Variants in GZF1 observed in about 807,000 individuals in gnomAD.
The protein encoded by GZF1 is GDNF inducible zinc finger protein 1.
Under a neutral mutation model 49.4 loss-of-function variants are expected in GZF1, and 28 were observed. The ratio of observed to expected loss-of-function variants is 0.57; its 90% CI spans 0.42 to 0.78. GZF1 has a LOEUF of 0.78. Ranked by LOEUF, GZF1 falls within the 30% of genes least tolerant of loss-of-function variation. The pLI is 0.00. For missense variants in GZF1, 798 were observed against 916.2 expected (o/e 0.87, Z 1.67); for synonymous variants, 364 against 356.0 (o/e 1.02, Z -0.25).
rs1981192052 is a variant in GZF1, at chr20:23,365,316, GA to G, written c.935del (p.Lys312ArgfsTer22). 11 of 1,606,626 alleles carry G rather than the reference GA, an allele frequency of 6.8e-6. No homozygotes were observed. The South Asian group carries it at 8.8e-5, about 13-fold the overall frequency. On this transcript the variant is annotated frameshift_variant, in exon 2 of 6. Coordinates refer to ENST00000338121, the MANE Select transcript of GZF1 (RefSeq NM_022482.5). LOFTEE classifies it high-confidence loss of function. The part of the protein sequence containing the change: ...EEEEEDEEGE[K>X]KKSNFKCSIC... ...AGGAGGAGGAGGACGAAGAAGGGGA[GA>G]AGAAGAAGAGCAACTTTAAGTGCAG...
Position 23,365,277 on chromosome 20 carries a change from GGAGGAA to G in GZF1, c.900_905del (p.Glu305_Glu306del). ...AATTGTCAAAGAAAGCAGGGCCGGA[GGAGGAA>G]GAGGAGGAGGAGGAGGAGGACGAAG... On this transcript the variant is annotated inframe_deletion, in exon 2 of 6. Coordinates refer to ENST00000338121, the MANE Select transcript of GZF1 (RefSeq NM_022482.5). The G allele has an allele frequency of 6.2e-7, 1 of 1,606,742 alleles. No individual in the cohort carries two copies. Among genetic ancestry groups the G allele is most frequent in the South Asian group, 1.1e-5 (1 of 90,418 alleles).
At chr20:23,362,929 C>T (rs1980862908) in intron 1 of GZF1, 1 of 152,318 alleles carries the variant, frequency 6.6e-6, no homozygotes, top group South Asian at 2.1e-4. Flanking sequence ...AGTCTTGTTT[C>T]CCCAGGCTGG....
rs1394373816 is a variant in GZF1 at position 23,368,939 on chromosome 20, G to C, written c.1627+10G>C. 6.3e-7 allele frequency: 1 copy of C among 1,598,596 alleles called. No homozygotes were observed. The highest frequency in any genetic ancestry group is 1.4e-5 in the African/African-American group (1 of 74,056). ...ATTAAAGTCCACACAGGTATGGTTG[G>C]AATGTCCCAGGGAAGGGAGTTTAGT... is the stretch of plus-strand genomic sequence containing the variant. On this transcript the variant is annotated intron_variant, in intron 4 of 5. Coordinates refer to ENST00000338121, the MANE Select transcript of GZF1 (RefSeq NM_022482.5).
intron 1 of GZF1, 177 bp downstream of exon 1, chr20:23,362,414 C>A (rs1252028784): frequency 6.6e-6 from 1 of 152,352 alleles, no homozygotes; most frequent in Non-Finnish European, 1.5e-5. Context: ...GGAGGCGGCG[C>A]GTCGGGCCGA....
rs752482204 is a variant in GZF1 at position 23,370,334 on chromosome 20, G to A, written c.2029G>A (p.Val677Met). The change falls in exon 6 of 6, where the codon GTG becomes ATG. Residue 677 changes from valine to methionine, a missense_variant. By Grantham distance (21) the Val-to-Met change is conservative (BLOSUM62 1). This residue lies in a region of GZF1 where 446 missense variants were observed against 540.1 expected (regional missense o/e 0.83). Coordinates refer to ENST00000338121, the MANE Select transcript of GZF1 (RefSeq NM_022482.5). Reference protein sequence around the residue: ...DTACKADDSVVSQDTLLATTI... With the variant: ...DTACKADDSVMSQDTLLATTI... ...AGCCTGCAAGGCAGATGACTCCGTGGTGTCCCAGGACACCCTCCTGGCCAC... is the reference window on the plus strand; with the variant it reads ...AGCCTGCAAGGCAGATGACTCCGTGATGTCCCAGGACACCCTCCTGGCCAC... 3.7e-6 allele frequency: 6 copies of A among 1,614,086 alleles called. No individual in the cohort carries two copies. Among genetic ancestry groups the A allele is most frequent in the Non-Finnish European group, 4.2e-6 (5 of 1,179,962 alleles).
At chr20:23,368,965 T>G (rs772054753) in intron 4 of GZF1, 36 bp downstream of exon 4, 2 of 1,531,740 alleles carry the variant, frequency 1.3e-6, no homozygotes, top group Non-Finnish European at 1.8e-6. Flanking sequence ...GGAGTTTAGT[T>G]TGGCCAAAAA....
Position 23,364,947 on chromosome 20 carries a change from C to T in GZF1, c.564C>T (p.Ala188=), listed in dbSNP as rs1981131741. 2 of 1,614,204 alleles carry T rather than the reference C, an allele frequency of 1.2e-6. No individual in the cohort carries two copies. The highest frequency in any genetic ancestry group is 4.5e-5 in the East Asian group (2 of 44,868). The part of the protein sequence containing the change: ...TDSLDYPGER[A]SNGMSSDLPP... ...CCTTGGACTACCCAGGAGAGAGAGCCAGCAATGGCATGTCTTCAGATTTGC... is the reference window on the plus strand; with the variant it reads ...CCTTGGACTACCCAGGAGAGAGAGCTAGCAATGGCATGTCTTCAGATTTGC... Residue 188 remains alanine, a synonymous_variant, in exon 2 of 6, where the codon GCC becomes GCT. Transcript: ENST00000338121.
At chr20:23,370,066 C>T (rs761254663) in intron 5 of GZF1, 25 bp from the exon 6 acceptor site, 1 of 1,570,244 alleles carries the variant, frequency 6.4e-7, no homozygotes, top group East Asian at 2.2e-5. Flanking sequence ...CATTCAGTGA[C>T]CTTTGTTTTG....
At chr20:23,369,050 G>C in intron 4 of GZF1, 121 bp downstream of exon 4, 2 of 781,720 alleles carry the variant, frequency 2.6e-6, no homozygotes, top group South Asian at 4.1e-5. Context: ...GCCAAACTTT[G>C]TATGTCATAA....
At chr20:23,361,823 G>A (rs912350154), upstream of GZF1, among the ~76,000 whole-genome samples, 2 of 152,220 alleles carry the variant, frequency 1.3e-5, no homozygotes, top group Admixed American at 6.5e-5. Flanking sequence ...GGCGCCTTGC[G>A]GCCAGAAGCC....
chr20:23,368,281 A>T (rs924853129), intron 3 of GZF1, among the ~76,000 whole-genome samples: 12 of 152,218 alleles, frequency 7.9e-5, no homozygotes, highest in African/African-American at 2.2e-4. Context: ...TGTGGGATTA[A>T]ACTACAAAAA....
chr20:23,370,596 A>G lies in GZF1; in HGVS notation c.*155A>G, dbSNP rs757145854. On this transcript the variant is annotated 3_prime_UTR_variant, in exon 6 of 6. Transcript: ENST00000338121. Reference sequence around the variant, plus strand: ...AACTTCTGCTAACTTGCACGGCTTTATCACAGCATTTTTAAAGCTTTCCCT... The same window carrying G: ...AACTTCTGCTAACTTGCACGGCTTTGTCACAGCATTTTTAAAGCTTTCCCT... 88 of 615,144 alleles carry G rather than the reference A, an allele frequency of 1.4e-4. No homozygotes were observed. The highest frequency in any genetic ancestry group is 8.0e-5 in the Non-Finnish European group (28 of 349,354). 38.1% of individuals were successfully genotyped at this position (615,144 alleles called of 1,614,324 possible).
chr20:23,367,060 G>C lies in GZF1; in HGVS notation c.1422G>C (p.Gln474His). ...VCDECGARFT[Q>H]NHMLIYHKRC... ...ATGAATGTGGTGCAAGATTCACTCA[G>C]AACCACATGCTGATTTATCATAAAA... is the stretch of plus-strand genomic sequence containing the variant. Residue 474 changes from glutamine (Q) to histidine (H), a missense_variant, in exon 3 of 6, where the codon CAG becomes CAC. Coordinates refer to ENST00000338121, the MANE Select transcript of GZF1 (RefSeq NM_022482.5). The C allele has an allele frequency of 6.2e-7, 1 of 1,613,094 alleles. No homozygotes were observed. The highest frequency in any genetic ancestry group is 8.5e-7 in the Non-Finnish European group (1 of 1,179,570).
At chr20:23,361,521 G>T (rs1323916695), upstream of GZF1, among the ~76,000 whole-genome samples, 1 of 152,222 alleles carries the variant, frequency 6.6e-6, no homozygotes, top group African/African-American at 2.4e-5. Flanking sequence ...GCAGGGTGCG[G>T]TCCCGGCTCC....
intron 3 of GZF1, among the ~76,000 whole-genome samples, chr20:23,367,993 C>T (rs1054583271): frequency 1.3e-5 from 2 of 152,226 alleles, no homozygotes; most frequent in Admixed American, 6.5e-5. Context: ...TGTGATTAGA[C>T]ACCAGTTCTG....
rs1430088662 is a variant in GZF1 at position 23,369,560 on chromosome 20, C to T, written c.1628-24C>T. 7 of 1,588,642 alleles carry T rather than the reference C, an allele frequency of 4.4e-6. No individual in the cohort carries two copies. In the Admixed American group the frequency reaches 8.8e-5, roughly 20 times the overall value. ...ACAGTAGGCCAAAGGGACCCACCAG[C>T]AGTCTCCTCTCTCCCTGCCTCAGGG... On this transcript the variant is annotated intron_variant, in intron 4 of 5. Transcript: ENST00000338121.
chr20:23,365,554 G>A lies in GZF1; in HGVS notation c.1171G>A (p.Asp391Asn). Residue 391 changes from aspartate (D) to asparagine (N), a missense_variant, in exon 2 of 6, where the codon GAC (aspartate) becomes AAC (asparagine). Around this residue, in one of 3 missense-constraint regions of GZF1, gnomAD observed 446 missense variants for 540.1 expected, o/e 0.83. Coordinates refer to ENST00000338121, the MANE Select transcript of GZF1 (RefSeq NM_022482.5). ...CGGGAAGAAGTTCAAGCGCAAGAAG[G>A]ACGTGAAGCGGCACGTGCTGCAGGT... ...LCGKKFKRKK[D>N]VKRHVLQVHE... is the part of the protein sequence containing the mutation. 1.9e-6 allele frequency: 3 copies of A among 1,612,758 alleles called. No individual in the cohort carries two copies. The highest frequency in any genetic ancestry group is 2.5e-6 in the Non-Finnish European group (3 of 1,179,726).
chr20:23,366,926 A>G, intron 2 of GZF1, 77 bp from the exon 3 acceptor site: 1 of 992,270 alleles, frequency 1.0e-6, no homozygotes, highest in South Asian at 1.3e-5. Flanking sequence ...CGATTTTTGC[A>G]GGATAGAGTG....
At position 23,364,421 on chromosome 20, in the gene GZF1, C is replaced by G; in HGVS notation, c.38C>G (p.Ser13Cys). 6.2e-7 allele frequency: 1 copy of G among 1,604,550 alleles called. No homozygotes were observed. The highest frequency in any genetic ancestry group is 8.5e-7 in the Non-Finnish European group (1 of 1,174,562). Reference sequence around the variant, plus strand: ...GCAGTTCTGCTGGAATCCAAATCCTCCCCATTTAACCTACTGCATGAGATG... The same window carrying G: ...GCAGTTCTGCTGGAATCCAAATCCTGCCCATTTAACCTACTGCATGAGATG... ...SGAVLLESKS[S>C]PFNLLHEMHE... The change falls in exon 2 of 6, where the codon TCC (serine) becomes TGC (cysteine). Residue 13 changes from serine to cysteine, a missense_variant. By Grantham distance (112) the Ser-to-Cys change is moderately radical (BLOSUM62 -1). This residue lies in a region of GZF1 where 105 missense variants were observed against 147.5 expected (regional missense o/e 0.71). Transcript: ENST00000338121.
Sources: gnomAD v4.1 joint callset for allele counts (sites outside exome capture counted in the v4.1 genomes callset) on GRCh38, gnomAD v4.1.1 for gene constraint, gnomAD v4.1.1 regional missense constraint, MANE v1.5 for transcripts, NCBI Gene and HGNC (gene_info 2026-07-23, HGNC 2026-07-21) for gene names.